The following ZDHHC15 variants were observed in gnomAD, a reference collection of about 807,000 sequenced individuals.
ZDHHC15 encodes the protein zDHHC palmitoyltransferase 15, also known as palmitoyltransferase ZDHHC15.
ZDHHC15 carries 19 observed loss-of-function variants against 31.7 expected under a neutral mutation model. The ratio of observed to expected loss-of-function variants is 0.60; its 90% CI spans 0.42 to 0.88. The LOEUF is 0.88. ZDHHC15 is among the 40% of genes least tolerant of loss of function. ZDHHC15 has a pLI of 0.00. For missense variants in ZDHHC15, 209 were observed against 251.2 expected, an observed-to-expected ratio of 0.83 and a Z score of 1.14; for synonymous variants, 103 against 90.0, an observed-to-expected ratio of 1.14 and a Z score of -0.82.
At chrX:75,392,431 C>T (rs6647119) in intron 10 of ZDHHC15, among the ~76,000 whole-genome samples, 20,279 of 111,448 alleles carry the variant, frequency 0.18, 1,969 homozygotes, top group East Asian at 0.86. Flanking sequence ...TTTGGCAACA[C>T]TGTCACATAA....
At chrX:75,439,882 A>G (rs1172023457) in intron 4 of ZDHHC15, among the ~76,000 whole-genome samples, 2 of 111,187 alleles carry the variant, frequency 1.8e-5, no homozygotes, top group Non-Finnish European at 3.8e-5. Flanking sequence ...TGTTCTCCCC[A>G]TTTTTCTAAG....
chrX:75,448,336 T>A (rs1387544761), intron 4 of ZDHHC15, among the ~76,000 whole-genome samples: 1 of 111,942 alleles, frequency 8.9e-6, no homozygotes, highest in Non-Finnish European at 1.9e-5. Flanking sequence ...ACAGAATGGA[T>A]GGTGGGAGAA....
At chrX:75,490,921 A>G (rs1320431603) in intron 2 of ZDHHC15, among the ~76,000 whole-genome samples, 1 of 112,030 alleles carries the variant, frequency 8.9e-6, no homozygotes, top group Non-Finnish European at 1.9e-5. Context: ...CAAAACCACA[A>G]TGAGATACCA....
intron 4 of ZDHHC15, among the ~76,000 whole-genome samples, chrX:75,443,545 G>A (rs984320216): frequency 1.8e-5 from 2 of 111,843 alleles, no homozygotes; most frequent in Non-Finnish European, 3.8e-5. Context: ...TAACATTCAG[G>A]ACATAGGCAT....
rs1017252788 is a variant in ZDHHC15, at chrX:75,452,812, T to C, written c.259-1890A>G. On this transcript the variant is annotated intron_variant, in intron 3 of 11. Coordinates refer to ENST00000373367, the MANE Select transcript of ZDHHC15 (RefSeq NM_144969.3). ...CTGGATAATGAAATGGAGGCAGAAA[T>C]AAAGATGTTCTTTGAAACCAATGAG... is the stretch of plus-strand genomic sequence containing the variant. Among the ~76,000 whole-genome samples, 6 of 111,761 alleles carry C rather than the reference T, an allele frequency of 5.4e-5. No individual in the cohort carries two copies. The Admixed American group carries it at 5.7e-4, about 11-fold the overall frequency.
chrX:75,453,528 C>T (rs1188768362), intron 3 of ZDHHC15, among the ~76,000 whole-genome samples: 2 of 111,673 alleles, frequency 1.8e-5, no homozygotes, highest in Non-Finnish European at 3.8e-5. Context: ...TCCTCCCTAA[C>T]TCATTTTATG....
At chrX:75,515,182 T>G (rs926138512) in intron 1 of ZDHHC15, among the ~76,000 whole-genome samples, 1 of 111,160 alleles carries the variant, frequency 9.0e-6, no homozygotes, top group Non-Finnish European at 1.9e-5. Context: ...CTGAAACTAC[T>G]CCAATAAATA....
chrX:75,489,383 T>C (rs2084833209), intron 2 of ZDHHC15, among the ~76,000 whole-genome samples: 1 of 111,479 alleles, frequency 9.0e-6, no homozygotes, highest in South Asian at 3.9e-4. Context: ...GGCACTCCTA[T>C]GAGACAAAAC....
intron 8 of ZDHHC15, among the ~76,000 whole-genome samples, chrX:75,423,802 T>C (rs1285684259): frequency 1.8e-5 from 2 of 108,904 alleles, no homozygotes; most frequent in Admixed American, 1.0e-4. Flanking sequence ...GTACGGCCAA[T>C]AGATGCAAAT....
intron 1 of ZDHHC15, among the ~76,000 whole-genome samples, chrX:75,508,439 T>C (rs192992899): frequency 1.7e-4 from 18 of 107,689 alleles, no homozygotes; most frequent in African/African-American, 5.8e-4. Context: ...AGAATGATGG[T>C]TTCCAGCTTC....
intron 9 of ZDHHC15, among the ~76,000 whole-genome samples, chrX:75,420,399 A>G (rs2083610961): frequency 9.0e-6 from 1 of 111,384 alleles, no homozygotes; most frequent in South Asian, 3.8e-4. Context: ...CTGTGTGGCA[A>G]TTCCTCGAGG....
chrX:75,384,776 A>C (rs773307281), intron 10 of ZDHHC15: 198 of 966,740 alleles, frequency 2.0e-4, no homozygotes, highest in Non-Finnish European at 2.7e-4. Flanking sequence ...GTGAGAACCA[A>C]TGGGAAGGAG....
chrX:75,417,493 T>C (rs2083562085), intron 9 of ZDHHC15, among the ~76,000 whole-genome samples: 1 of 111,977 alleles, frequency 8.9e-6, no homozygotes, highest in Non-Finnish European at 1.9e-5. Context: ...CACTTAATGA[T>C]GATGATACCA....
intron 10 of ZDHHC15, among the ~76,000 whole-genome samples, chrX:75,386,451 T>C (rs2083180547): frequency 8.9e-6 from 1 of 112,217 alleles, no homozygotes; most frequent in Non-Finnish European, 1.9e-5. Context: ...AGCCGCTGTT[T>C]AGTTCAGAAA....
Position 75,459,059 on chromosome X carries a change from G to A in ZDHHC15, c.259-8137C>T, listed in dbSNP as rs749065433. On this transcript the variant is annotated intron_variant, in intron 3 of 11. Coordinates refer to ENST00000373367, the MANE Select transcript of ZDHHC15 (RefSeq NM_144969.3). ...GTGAATGATTGTGCCACCCTGCTCA[G>A]GAAATCACTCTTCTCCCACAGATCA... Among the ~76,000 whole-genome samples the A allele has an allele frequency of 2.8e-5, 3 of 106,611 alleles. No homozygotes were observed. The South Asian group carries it at 1.3e-3, about 47-fold the overall frequency. 92.6% of individuals were successfully genotyped at this position (106,611 alleles called of 115,157 possible). A position where few individuals can be genotyped will look rare whatever the true frequency, so the allele number is the denominator to read the frequency against.
chrX:75,441,126 G>C (rs1426377631), intron 4 of ZDHHC15, among the ~76,000 whole-genome samples: 1 of 112,174 alleles, frequency 8.9e-6, no homozygotes, highest in East Asian at 2.8e-4. Context: ...AGGGCTTTCA[G>C]GCCCTGCCCC....
At chrX:75,452,694 C>A (rs1229652374) in intron 3 of ZDHHC15, among the ~76,000 whole-genome samples, 1 of 112,103 alleles carries the variant, frequency 8.9e-6, no homozygotes, top group African/African-American at 3.2e-5. Context: ...GTCTCTCTGA[C>A]CACAGTTCAA....
intron 3 of ZDHHC15, 34 bp from the exon 4 acceptor site, chrX:75,450,956 T>G: frequency 8.5e-7 from 1 of 1,182,374 alleles, no homozygotes; most frequent in Non-Finnish European, 1.1e-6. Context: ...GACTTTATTA[T>G]CTAAAGTTAA....
chrX:75,500,718 A>G (rs1234637256), intron 2 of ZDHHC15, among the ~76,000 whole-genome samples: 1 of 109,401 alleles, frequency 9.1e-6, no homozygotes, highest in African/African-American at 3.3e-5. Context: ...TCTGATCTCT[A>G]AACCTTAATT....
Sources: gnomAD v4.1 joint callset for allele counts (sites outside exome capture counted in the v4.1 genomes callset) on GRCh38, gnomAD v4.1.1 for gene constraint, MANE v1.5 for transcripts, NCBI Gene and HGNC (gene_info 2026-07-23, HGNC 2026-07-21) for gene names.